Variants in SLCO3A1 observed in about 807,000 individuals in gnomAD.
SLCO3A1 encodes PGE1 transporter.
In SLCO3A1, 27 loss-of-function variants were observed where a neutral mutation model predicts 63.1. The ratio of observed to expected loss-of-function variants is 0.43; its 90% CI spans 0.32 to 0.59. The LOEUF (loss-of-function observed/expected upper bound fraction) is 0.59, where lower values mean the gene tolerates loss of function less well. Ranked by LOEUF, SLCO3A1 falls within the 20% of genes least tolerant of loss-of-function variation. The pLI, the probability that SLCO3A1 is intolerant of heterozygous loss-of-function variation, is 0.09. For synonymous variants in SLCO3A1, 473 were observed against 409.9 expected (o/e 1.15, Z -1.86); for missense variants, 773 against 945.8 (o/e 0.82, Z 2.40).
chr15:91,916,514 A>G lies in SLCO3A1; in HGVS notation c.646+56A>G, dbSNP rs1350836179. 4 of 1,334,902 alleles carry G rather than the reference A, an allele frequency of 3.0e-6. No individual in the cohort carries two copies. In the African/African-American group the frequency reaches 6.0e-5, roughly 20 times the overall value. 82.7% of individuals were successfully genotyped at this position (1,334,902 alleles called of 1,614,324 possible). A position where few individuals can be genotyped will look rare whatever the true frequency, so the allele number is the denominator to read the frequency against. ...GACCAGGGTGTGTTGACCATGGATA[A>G]AAGGTGGCCTGGTGGACTTTGATTT... On this transcript the variant is annotated intron_variant, in intron 2 of 9. Transcript: ENST00000318445. This position sits in a 1 kb window ranked among gnomAD's most constrained non-coding sequence, Gnocchi z 6.2.
At position 91,863,172 on chromosome 15, in the gene SLCO3A1, A is replaced by G. The variant is rs1023456805; in HGVS notation, c.180+9084A>G. Among the ~76,000 whole-genome samples, 1 of 152,258 alleles carries G rather than the reference A, an allele frequency of 6.6e-6. No individual in the cohort carries two copies. The highest frequency in any genetic ancestry group is 2.4e-5 in the African/African-American group (1 of 41,468). On this transcript the variant is annotated intron_variant, in intron 1 of 9. Transcript: ENST00000318445. This position sits in a 1 kb window ranked among gnomAD's most constrained non-coding sequence, Gnocchi z 4.3. ...ATTATGGTGATCCAACCTGTAAAAT[A>G]AACAGTGGGGCTGATTAATCTCTTT...
chr15:91,939,509 C>T (rs1331074828), intron 2 of SLCO3A1, among the ~76,000 whole-genome samples: 1 of 152,150 alleles, frequency 6.6e-6, no homozygotes, highest in Admixed American at 6.5e-5. Context: ...CAGACCTTCC[C>T]CCATGGTTCG....
chr15:92,104,673 G>A, intron 4 of SLCO3A1, 131 bp downstream of exon 4: 1 of 914,320 alleles, frequency 1.1e-6, no homozygotes, highest in South Asian at 1.8e-5. Flanking sequence ...TGGCTTGCAT[G>A]GCTGGCCTCT....
chr15:92,011,088 C>A (rs1359047115), intron 2 of SLCO3A1, among the ~76,000 whole-genome samples: 1 of 152,210 alleles, frequency 6.6e-6, no homozygotes, highest in Non-Finnish European at 1.5e-5. Flanking sequence ...ATGACCAGGG[C>A]CCCTGCCACA....
Position 91,863,402 on chromosome 15 carries a change from G to A in SLCO3A1, c.180+9314G>A, listed in dbSNP as rs536606371. On this transcript the variant is annotated intron_variant, in intron 1 of 9. Transcript: ENST00000318445. The surrounding 1 kb of genome is among the most constrained non-coding windows in gnomAD (Gnocchi z 4.3). ...TTAAGGTTGGCTTTCGAGGTTGCTC[G>A]TGCAGTGTAGTGGGATGGCCGTGAG... is the stretch of plus-strand genomic sequence containing the variant. Among the ~76,000 whole-genome samples, 3 of 152,236 alleles carry A rather than the reference G, an allele frequency of 2.0e-5. No individual in the cohort carries two copies. Among genetic ancestry groups the A allele is most frequent in the African/African-American group, 4.8e-5 (2 of 41,454 alleles).
intron 5 of SLCO3A1, among the ~76,000 whole-genome samples, chr15:92,125,740 C>G (rs949046126): frequency 4.0e-5 from 6 of 151,860 alleles, no homozygotes; most frequent in African/African-American, 1.5e-4. Flanking sequence ...GTCTGTGTTC[C>G]CAGTCTCTCT....
chr15:91,897,290 C>T lies in SLCO3A1; in HGVS notation c.181-18703C>T, dbSNP rs1317644062. Among the ~76,000 whole-genome samples the T allele has an allele frequency of 6.6e-6, 1 of 152,012 alleles. No homozygotes were observed. Among genetic ancestry groups the T allele is most frequent in the Non-Finnish European group, 1.5e-5 (1 of 68,000 alleles). On this transcript the variant is annotated intron_variant, in intron 1 of 9. Coordinates refer to ENST00000318445, the MANE Select transcript of SLCO3A1 (RefSeq NM_013272.4). This position sits in a 1 kb window ranked among gnomAD's most constrained non-coding sequence, Gnocchi z 4.7. The stretch of plus-strand genomic sequence containing the variant: ...TGGCCAGTTTAGTAGAGATGGGGAT[C>T]TCTACTAAAAATTAGCTGGGCATGG...
intron 2 of SLCO3A1, among the ~76,000 whole-genome samples, chr15:92,081,311 C>A (rs550922258): frequency 4.8e-4 from 73 of 151,842 alleles, no homozygotes; most frequent in African/African-American, 1.7e-3. Flanking sequence ...CCAGCTATTT[C>A]TTTGGTCAGT....
intron 1 of SLCO3A1, among the ~76,000 whole-genome samples, chr15:91,855,682 A>G (rs1567158022): frequency 6.6e-6 from 1 of 152,166 alleles, no homozygotes; most frequent in Non-Finnish European, 1.5e-5. Context: ...TCCTTAGGGG[A>G]AATTTAACTG....
In SLCO3A1 at chr15:92,016,254, T is replaced by TAGATAGATAGATTAGATAGATAGA; in HGVS notation, c.647-78627_647-78626insAGATAGATAGATTAGATAGATAGA. Among the ~76,000 whole-genome samples the TAGATAGATAGATTAGATAGATAGA allele has an allele frequency of 7.0e-3, 668 of 95,360 alleles. 2 individuals are homozygous for TAGATAGATAGATTAGATAGATAGA. Among genetic ancestry groups the TAGATAGATAGATTAGATAGATAGA allele is most frequent in the East Asian group, 0.013 (27 of 2,126 alleles). 62.6% of individuals were successfully genotyped at this position (95,360 alleles called of 152,430 possible). On this transcript the variant is annotated intron_variant, in intron 2 of 9. Coordinates refer to ENST00000318445, the MANE Select transcript of SLCO3A1 (RefSeq NM_013272.4). Reference sequence around the variant, plus strand: ...ATAGATAGATAGATAGATAGATAGATTAGATAGATAGATAGATAGATAGAT... The same window carrying TAGATAGATAGATTAGATAGATAGA: ...ATAGATAGATAGATAGATAGATAGATAGATAGATAGATTAGATAGATAGATAGATAGATAGATAGATAGATAGAT...
chr15:91,858,010 A>T (rs928557405), intron 1 of SLCO3A1, among the ~76,000 whole-genome samples: 2 of 152,192 alleles, frequency 1.3e-5, no homozygotes, highest in African/African-American at 4.8e-5. Flanking sequence ...GTGGTTAATG[A>T]GGCTCTATCT....
At chr15:91,936,201 G>A (rs771006924) in intron 2 of SLCO3A1, among the ~76,000 whole-genome samples, 4 of 152,236 alleles carry the variant, frequency 2.6e-5, no homozygotes, top group South Asian at 2.1e-4. Context: ...CACATAGTAA[G>A]TGCTCAATGC....
intron 2 of SLCO3A1, among the ~76,000 whole-genome samples, chr15:92,066,752 G>T (rs932510430): frequency 2.0e-5 from 3 of 152,198 alleles, no homozygotes; most frequent in African/African-American, 7.2e-5. Flanking sequence ...CCTGCCGGGT[G>T]CCCTGTCAAG....
At chr15:92,025,889 G>A (rs769205713) in intron 2 of SLCO3A1, among the ~76,000 whole-genome samples, 21 of 152,190 alleles carry the variant, frequency 1.4e-4, no homozygotes, top group Non-Finnish European at 2.4e-4. Flanking sequence ...AGTGGTACAC[G>A]GGTTTCTAAG....
chr15:91,878,345 G>T (rs963787347), intron 1 of SLCO3A1, among the ~76,000 whole-genome samples: 1 of 152,178 alleles, frequency 6.6e-6, no homozygotes, highest in Non-Finnish European at 1.5e-5. Context: ...TTCCCAAAGT[G>T]CTGGGATTAC....
chr15:92,063,581 C>T (rs1461083274), intron 2 of SLCO3A1, among the ~76,000 whole-genome samples: 3 of 152,114 alleles, frequency 2.0e-5, no homozygotes, highest in South Asian at 2.1e-4. Flanking sequence ...AAAAATGGGC[C>T]GGGTGTGGTG....
intron 2 of SLCO3A1, among the ~76,000 whole-genome samples, chr15:92,074,769 C>G (rs2047256689): frequency 1.1e-5 from 1 of 91,358 alleles, no homozygotes; most frequent in Admixed American, 1.4e-4. Context: ...AGAGAGCTGA[C>G]AAGCAGGGCG....
chr15:91,964,450 A>G (rs1286775553), intron 2 of SLCO3A1, among the ~76,000 whole-genome samples: 1 of 151,924 alleles, frequency 6.6e-6, no homozygotes. Context: ...TTTTATGCTC[A>G]GGTGACTCCA....
At chr15:92,017,937 A>G (rs546217675) in intron 2 of SLCO3A1, among the ~76,000 whole-genome samples, 2 of 152,264 alleles carry the variant, frequency 1.3e-5, no homozygotes, top group Admixed American at 1.3e-4. Context: ...GAGGCTCAGA[A>G]CAGTTGGAGG....
Sources: gnomAD v4.1 joint callset for allele counts (sites outside exome capture counted in the v4.1 genomes callset) on GRCh38, gnomAD v4.1.1 for gene constraint, Gnocchi (gnomAD v3.1) non-coding constraint, MANE v1.5 for transcripts, NCBI Gene and HGNC (gene_info 2026-07-23, HGNC 2026-07-21) for gene names.